Variants in NCOA3 observed in about 807,000 individuals in gnomAD.
NCOA3 encodes the protein nuclear receptor coactivator 3.
A neutral mutation model predicts 158.8 loss-of-function variants in NCOA3; 51 were observed. The ratio of observed to expected loss-of-function variants is 0.32; its 90% CI spans 0.26 to 0.41. NCOA3 has a LOEUF of 0.41. Ranked by LOEUF, NCOA3 falls within the 10% of genes least tolerant of loss-of-function variation. The pLI, the probability that NCOA3 is intolerant of heterozygous loss-of-function variation, is 1.00. For missense variants in NCOA3, 1,510 were observed against 1,746.6 expected, an observed-to-expected ratio of 0.86 and a Z score of 2.41; for synonymous variants, 537 against 592.4, an observed-to-expected ratio of 0.91 and a Z score of 1.36.
chr20:47,631,931 T>C (rs919078206), intron 8 of NCOA3, among the ~76,000 whole-genome samples: 1 of 152,214 alleles, frequency 6.6e-6, no homozygotes, highest in African/African-American at 2.4e-5. Context: ...CCAGATGTAT[T>C]TTTTTCTACA....
intron 2 of NCOA3, among the ~76,000 whole-genome samples, chr20:47,594,525 C>T (rs532038591): frequency 4.6e-5 from 7 of 151,664 alleles, no homozygotes; most frequent in Non-Finnish European, 8.8e-5. Context: ...ATTAGCCTGG[C>T]GTGTTGGCAG....
chr20:47,633,386 C>T (rs939922895), intron 8 of NCOA3, 110 bp from the exon 9 acceptor site: 1 of 1,065,864 alleles, frequency 9.4e-7, no homozygotes, highest in Non-Finnish European at 1.3e-6. Context: ...GAAGGTGGAG[C>T]AAAGATTTAA....
intron 1 of NCOA3, among the ~76,000 whole-genome samples, chr20:47,525,290 T>A (rs1463306317): frequency 6.6e-6 from 1 of 151,294 alleles, no homozygotes; most frequent in Non-Finnish European, 1.5e-5. Flanking sequence ...CAGAAGAATT[T>A]TTCTTAGTAC....
chr20:47,544,164 G>T (rs1366204451), intron 1 of NCOA3, among the ~76,000 whole-genome samples: 1 of 150,046 alleles, frequency 6.7e-6, no homozygotes, highest in African/African-American at 2.5e-5. Context: ...CCACTCTTGT[G>T]TTTTTTTCTG....
At chr20:47,551,682 T>G (rs1213231294) in intron 1 of NCOA3, among the ~76,000 whole-genome samples, 1 of 152,222 alleles carries the variant, frequency 6.6e-6, no homozygotes, top group Non-Finnish European at 1.5e-5. Context: ...GTGATTCTGT[T>G]GAAAAATTTT....
rs369514609 is a variant in NCOA3 at position 47,647,265 on chromosome 20, C to T, written c.3445C>T (p.Pro1149Ser). 1 of 1,614,176 alleles carries T rather than the reference C, an allele frequency of 6.2e-7. No homozygotes were observed. Among genetic ancestry groups the T allele is most frequent in the Non-Finnish European group, 8.5e-7 (1 of 1,180,032 alleles). Residue 1149 changes from proline (P) to serine (S), a missense_variant, in exon 18 of 23, where the codon CCT becomes TCT. Transcript: ENST00000371998. The stretch of plus-strand genomic sequence containing the variant: ...TCAGATGAACCAGCAAGGCAATTTT[C>T]CTCTCCAAGGAATGCACCCACGAGC... ...MNQMNQQGNFPLQGMHPRANI... is the reference protein window; with the variant it reads ...MNQMNQQGNFSLQGMHPRANI...
chr20:47,562,607 A>G (rs1191236298), intron 1 of NCOA3, among the ~76,000 whole-genome samples: 1 of 151,910 alleles, frequency 6.6e-6, no homozygotes, highest in Non-Finnish European at 1.5e-5. Context: ...GCTTTAAGGA[A>G]TTAGTTAGGG....
intron 1 of NCOA3, among the ~76,000 whole-genome samples, chr20:47,509,235 G>A (rs1241014765): frequency 1.3e-5 from 2 of 150,658 alleles, no homozygotes; most frequent in African/African-American, 4.9e-5. Context: ...TAAAAAATAG[G>A]AAAAAAAAAT....
At chr20:47,615,883 C>T (rs940627440) in intron 2 of NCOA3, among the ~76,000 whole-genome samples, 2 of 152,066 alleles carry the variant, frequency 1.3e-5, no homozygotes, top group Non-Finnish European at 1.5e-5. Context: ...TGTGACGAGA[C>T]GTGGTGGCTC....
Position 47,637,799 on chromosome 20 carries a change from GTTTTT to G in NCOA3, c.2512+26_2512+30del. 1 of 1,407,118 alleles carries G rather than the reference GTTTTT, an allele frequency of 7.1e-7. No homozygotes were observed. Among genetic ancestry groups the G allele is most frequent in the Admixed American group, 2.4e-5 (1 of 42,482 alleles). The allele number at this position is 1,407,118 out of a possible 1,614,324, so 87.2% of individuals were successfully genotyped here. On this transcript the variant is annotated intron_variant, in intron 13 of 22. Transcript: ENST00000371998. ...AATTCTCTGGGTAAGAATGAACTAG[GTTTTT>G]TTTTTTTTTGCTGCCTTTGAAACTT...
intron 1 of NCOA3, among the ~76,000 whole-genome samples, chr20:47,544,466 A>G (rs2084796270): frequency 6.6e-6 from 1 of 151,868 alleles, no homozygotes; most frequent in Non-Finnish European, 1.5e-5. Flanking sequence ...ATGTGTCAGC[A>G]TGCCTGACTA....
chr20:47,600,047 A>G (rs192122385), intron 2 of NCOA3, among the ~76,000 whole-genome samples: 1 of 152,136 alleles, frequency 6.6e-6, no homozygotes, highest in East Asian at 1.9e-4. Context: ...TGCAGTATAT[A>G]CAAGTAGAAA....
chr20:47,651,015 C>A lies in NCOA3; in HGVS notation c.3685C>A (p.Arg1229Ser). The A allele has an allele frequency of 6.2e-7, 1 of 1,614,122 alleles. No homozygotes were observed. The highest frequency in any genetic ancestry group is 1.3e-5 in the African/African-American group (1 of 75,020). The change falls in exon 20 of 23, where the codon CGC becomes AGC. Residue 1229 changes from arginine (R) to serine (S), a missense_variant. Around this residue, in one of 4 missense-constraint regions of NCOA3, gnomAD observed 1,017 missense variants for 1,098.3 expected, o/e 0.93. Coordinates refer to ENST00000371998, the MANE Select transcript of NCOA3 (RefSeq NM_181659.3). ...TCTTAATGCTCAAATGGTCGCCCAA[C>A]GCAGCAGAGAGCTGCTAAGTCATCA... ...GFLNAQMVAQ[R>S]SRELLSHHFR...
At chr20:47,578,983 T>C (rs2085412872) in intron 1 of NCOA3, among the ~76,000 whole-genome samples, 1 of 152,184 alleles carries the variant, frequency 6.6e-6, no homozygotes, top group Non-Finnish European at 1.5e-5. Flanking sequence ...GCATTATATA[T>C]TATATAGTTT....
chr20:47,585,916 A>C (rs1328189887), intron 2 of NCOA3, among the ~76,000 whole-genome samples: 2 of 147,184 alleles, frequency 1.4e-5, no homozygotes, highest in Admixed American at 6.8e-5. Context: ...GCAGAGAACT[A>C]TCTCCACAGG....
chr20:47,525,355 C>T (rs1386125439), intron 1 of NCOA3, among the ~76,000 whole-genome samples: 1 of 150,240 alleles, frequency 6.7e-6, no homozygotes, highest in Non-Finnish European at 1.5e-5. Flanking sequence ...ACACGGCAAC[C>T]ATCCGATTTC....
Position 47,635,307 on chromosome 20 carries a change from ATGTT to A in NCOA3, c.1113-9_1113-6del. ...CTTAGAATTTTTTAGTAAAAGTTTG[ATGTT>A]TGTTTTGCAGAGAACAGAATGGATA... On this transcript the variant is annotated splice_polypyrimidine_tract_variant and intron_variant, in intron 10 of 22. Transcript: ENST00000371998. The A allele has an allele frequency of 6.5e-7, 1 of 1,545,430 alleles. No homozygotes were observed. The highest frequency in any genetic ancestry group is 8.8e-7 in the Non-Finnish European group (1 of 1,141,576).
chr20:47,559,226 G>C (rs990829063), intron 1 of NCOA3, among the ~76,000 whole-genome samples: 1 of 152,106 alleles, frequency 6.6e-6, no homozygotes, highest in Admixed American at 6.6e-5. Flanking sequence ...TTGTCCAATA[G>C]TAAAAGAACT....
chr20:47,562,910 A>C (rs1050058355), intron 1 of NCOA3, among the ~76,000 whole-genome samples: 4 of 152,210 alleles, frequency 2.6e-5, no homozygotes, highest in Non-Finnish European at 4.4e-5. Flanking sequence ...ATGATTATTA[A>C]AAGTAATTTT....
Sources: allele counts gnomAD v4.1 joint callset (sites outside exome capture counted in the v4.1 genomes callset), GRCh38; gene constraint gnomAD v4.1.1; regional missense constraint gnomAD v4.1.1; transcripts MANE v1.5; gene names NCBI Gene and HGNC (gene_info 2026-07-23, HGNC 2026-07-21).